SCN2A: variants seen among roughly 807,000 people sequenced by gnomAD.
SCN2A encodes sodium voltage-gated channel alpha subunit 2.
SCN2A carries 20 observed loss-of-function variants against 188.7 expected under a neutral mutation model. The observed-to-expected ratio is 0.11, with a 90% CI of 0.07 to 0.15. The LOEUF (loss-of-function observed/expected upper bound fraction) is 0.15. Among genes scored for constraint, SCN2A ranks in the 10% least tolerant of loss-of-function variants. SCN2A has a pLI of 1.00. For synonymous variants in SCN2A, 804 were observed against 833.1 expected (o/e 0.97, Z 0.60); for missense variants, 1,278 against 2,445.0 (o/e 0.52, Z 10.07).
At chr2:165,382,157 A>G (rs1360625513) in intron 25 of SCN2A, among the ~76,000 whole-genome samples, 1 of 152,112 alleles carries the variant, frequency 6.6e-6, no homozygotes, top group Non-Finnish European at 1.5e-5. Context: ...CTTCATAGCC[A>G]TATAGACAAA....
At chr2:165,356,854 T>C (rs1165403759) in intron 17 of SCN2A, among the ~76,000 whole-genome samples, 1 of 152,194 alleles carries the variant, frequency 6.6e-6, no homozygotes, top group Admixed American at 6.5e-5. Flanking sequence ...TCTCTTGTTA[T>C]CATTAAGCTT....
At position 165,389,880 on chromosome 2, in the gene SCN2A, A is replaced by T; in HGVS notation, c.*56A>T. ...CAATTGTTTACAGCCCGTGATGGTG[A>T]TGTGTTTGTGTCAACAGGACTCCCA... On this transcript the variant is annotated 3_prime_UTR_variant, in exon 27 of 27. Transcript: ENST00000375437. This position sits in a 1 kb window ranked among gnomAD's most constrained non-coding sequence, Gnocchi z 4.2. 1 of 1,543,644 alleles carries T rather than the reference A, an allele frequency of 6.5e-7. No homozygotes were observed. Among genetic ancestry groups the T allele is most frequent in the Non-Finnish European group, 8.7e-7 (1 of 1,148,680 alleles).
At chr2:165,278,216 G>T (rs1172099227) in intron 1 of SCN2A, among the ~76,000 whole-genome samples, 1 of 152,154 alleles carries the variant, frequency 6.6e-6, no homozygotes, top group Non-Finnish European at 1.5e-5. Context: ...ATTATATTTT[G>T]TGTGTACCAT....
At chr2:165,319,328 C>G (rs762390765) in intron 11 of SCN2A, among the ~76,000 whole-genome samples, 8 of 151,962 alleles carry the variant, frequency 5.3e-5, no homozygotes, top group Non-Finnish European at 1.2e-4. Context: ...CAGAGTGAGA[C>G]TCCGTCTCAA....
At position 165,314,158 on chromosome 2, in the gene SCN2A, T is replaced by C. The variant is rs574535588; in HGVS notation, c.1383+50T>C. On this transcript the variant is annotated intron_variant, in intron 10 of 26. Coordinates refer to ENST00000375437, the MANE Select transcript of SCN2A (RefSeq NM_001040142.2). ...TTTGTTTTTCTTTATCTAAATTCTT[T>C]AACCTAAATGTTGAGGTCAGTGGCA... The C allele has an allele frequency of 1.4e-4, 227 of 1,571,878 alleles. 1 individual carries two copies. The Admixed American group carries it at 3.9e-3, about 27-fold the overall frequency.
chr2:165,294,356 G>A (rs1170275421), intron 1 of SCN2A, among the ~76,000 whole-genome samples: 1 of 152,024 alleles, frequency 6.6e-6, no homozygotes, highest in Non-Finnish European at 1.5e-5. Flanking sequence ...TAGGCATGAG[G>A]GTCTCTAGGA....
In SCN2A at chr2:165,308,751, C is replaced by T. The variant is rs121917748; in HGVS notation, c.562C>T (p.Arg188Trp). Residue 188 changes from arginine to tryptophan, a missense_variant, in exon 5 of 27, where the codon CGG (arginine) becomes TGG (tryptophan). Arg to Trp is a moderately radical substitution (Grantham distance 101). Transcript: ENST00000375437. The part of the protein sequence containing the change: ...GFCLEDFTFL[R>W]DPWNWLDFTV... Reference sequence around the variant, plus strand: ...TTGTTTAGAAGATTTCACATTTTTACGGGATCCATGGAATTGGTTGGATTT... The same window carrying T: ...TTGTTTAGAAGATTTCACATTTTTATGGGATCCATGGAATTGGTTGGATTT... 2.9e-5 allele frequency: 47 copies of T among 1,612,666 alleles called. No homozygotes were observed. The highest frequency in any genetic ancestry group is 3.8e-5 in the Non-Finnish European group (45 of 1,178,986).
At chr2:165,359,156 T>C (rs1478865566) in intron 17 of SCN2A, among the ~76,000 whole-genome samples, 1 of 152,092 alleles carries the variant, frequency 6.6e-6, no homozygotes, top group Non-Finnish European at 1.5e-5. Flanking sequence ...TCCAGATTCA[T>C]GAGCTATAAT....
chr2:165,268,338 A>C (rs559689996), intron 1 of SCN2A: 1 of 152,220 alleles, frequency 6.6e-6, no homozygotes, highest in Non-Finnish European at 1.5e-5. Flanking sequence ...ATAATACATC[A>C]TGATCAAGTG....
chr2:165,374,604 C>T, intron 21 of SCN2A, 81 bp from the exon 22 acceptor site: 1 of 1,451,450 alleles, frequency 6.9e-7, no homozygotes, highest in Middle Eastern at 2.1e-4. Context: ...AATCATTTGA[C>T]TGTTCTTTTA....
At chr2:165,291,575 T>TCCTTTCTC (rs1460696524) in intron 1 of SCN2A, among the ~76,000 whole-genome samples, 44 of 70,560 alleles carry the variant, frequency 6.2e-4, no homozygotes, top group African/African-American at 1.4e-3. Flanking sequence ...CTTCCTTCCT[T>TCCTTTCTC]TCTCTCTCTC....
rs891951562 is a variant in SCN2A at position 165,292,449 on chromosome 2, A to G, written c.-51-3324A>G. Among the ~76,000 whole-genome samples, 15 of 152,244 alleles carry G rather than the reference A, an allele frequency of 9.9e-5. No homozygotes were observed. In the East Asian group the frequency reaches 2.9e-3, roughly 29 times the overall value. On this transcript the variant is annotated intron_variant, in intron 1 of 26. Coordinates refer to ENST00000375437, the MANE Select transcript of SCN2A (RefSeq NM_001040142.2). The stretch of plus-strand genomic sequence containing the variant: ...CACCCAGGTAGCAAGCATAGTACCC[A>G]ATAGGTAGTTTTTCAACACTTGCTT...
chr2:165,321,924 T>G (rs956324571), intron 11 of SCN2A, among the ~76,000 whole-genome samples: 1 of 152,212 alleles, frequency 6.6e-6, no homozygotes, highest in African/African-American at 2.4e-5. Context: ...ATCAAACCAA[T>G]AATACTTAAA....
At chr2:165,262,848 C>G (rs1426994693) in intron 1 of SCN2A, among the ~76,000 whole-genome samples, 1 of 152,076 alleles carries the variant, frequency 6.6e-6, no homozygotes, top group Non-Finnish European at 1.5e-5. Flanking sequence ...AATGGTTGTA[C>G]TAGTTTATAT....
rs780562485 is a variant in SCN2A at position 165,374,887 on chromosome 2, G to T, written c.4175G>T (p.Ser1392Ile). 1 of 1,613,506 alleles carries T rather than the reference G, an allele frequency of 6.2e-7. No individual in the cohort carries two copies. The highest frequency in any genetic ancestry group is 2.2e-5 in the East Asian group (1 of 44,858). ...AGTGAGTGCAAAGCTCTCATTGAGAGCAATCAAACTGCCAGGTGGAAAAAT... is the reference window on the plus strand; with the variant it reads ...AGTGAGTGCAAAGCTCTCATTGAGATCAATCAAACTGCCAGGTGGAAAAAT... The part of the protein sequence containing the change: ...NYSECKALIE[S>I]NQTARWKNVK... Residue 1392 changes from serine to isoleucine, a missense_variant, in exon 22 of 27, where the codon AGC becomes ATC. Transcript: ENST00000375437.
intron 1 of SCN2A, among the ~76,000 whole-genome samples, chr2:165,280,474 A>G (rs924840576): frequency 1.3e-5 from 2 of 152,076 alleles, no homozygotes; most frequent in Non-Finnish European, 2.9e-5. Flanking sequence ...AAGAATCTGT[A>G]CCTGTGTCTT....
chr2:165,266,250 C>A (rs2106096576), intron 1 of SCN2A, among the ~76,000 whole-genome samples: 1 of 152,156 alleles, frequency 6.6e-6, no homozygotes, highest in South Asian at 2.1e-4. Context: ...CTATTCACCA[C>A]CACCAACACT....
intron 14 of SCN2A, among the ~76,000 whole-genome samples, chr2:165,335,374 G>A (rs966826893): frequency 4.0e-5 from 6 of 151,644 alleles, no homozygotes; most frequent in African/African-American, 1.5e-4. Flanking sequence ...GCAAAAGTAA[G>A]CAAGATAGTT....
At chr2:165,294,010 TAAAAAAAAAAAAA>T (rs67417831) in intron 1 of SCN2A, 20 of 151,032 alleles carry the variant, frequency 1.3e-4, no homozygotes, top group South Asian at 3.3e-4. Flanking sequence ...GAAGGAGAAT[TAAAAAAAAAAAAA>T]AAAAAAAAAA....
Sources: gnomAD v4.1 joint callset for allele counts (sites outside exome capture counted in the v4.1 genomes callset) on GRCh38, gnomAD v4.1.1 for gene constraint, Gnocchi (gnomAD v3.1) non-coding constraint, MANE v1.5 for transcripts, NCBI Gene and HGNC (gene_info 2026-07-23, HGNC 2026-07-21) for gene names.